GP1BB: variants seen among roughly 807,000 people sequenced by gnomAD.
The protein encoded by GP1BB is glycoprotein Ib platelet subunit beta, also known as platelet glycoprotein Ib beta chain.
A neutral mutation model predicts 2.5 loss-of-function variants in GP1BB; 3 were observed. The ratio of observed to expected loss-of-function variants is 1.22; its 90% CI spans 0.56 to 3.15. The LOEUF is 3.15. Among genes scored for constraint, GP1BB ranks in the 30% most tolerant of loss-of-function variants. The pLI is 0.03. For missense variants in GP1BB, 316 were observed against 307.0 expected (o/e 1.03, Z -0.22); for synonymous variants, 191 against 167.5 (o/e 1.14, Z -1.08).
Position 19,724,316 on chromosome 22 carries a change from T to C in GP1BB, c.473T>C (p.Leu158Pro). The change falls in exon 2 of 2, where the codon CTG (leucine) becomes CCG (proline). Residue 158 changes from leucine (L) to proline (P), a missense_variant. Coordinates refer to ENST00000366425, the MANE Select transcript of GP1BB (RefSeq NM_000407.5). ...WGALAAQLAL[L>P]GLGLLHALLL... is the part of the protein sequence containing the mutation. ...GCGCTGGCGGCGCAGCTTGCGCTGCTGGGCCTTGGGCTGCTGCACGCGTTG... is the reference window on the plus strand; with the variant it reads ...GCGCTGGCGGCGCAGCTTGCGCTGCCGGGCCTTGGGCTGCTGCACGCGTTG... The C allele has an allele frequency of 1.5e-6, 2 of 1,377,340 alleles. No homozygotes were observed. The highest frequency in any genetic ancestry group is 9.3e-7 in the Non-Finnish European group (1 of 1,070,758). 85.3% of individuals were successfully genotyped at this position (1,377,340 alleles called of 1,614,324 possible).
At position 19,723,877 on chromosome 22, in the gene GP1BB, C is replaced by G. The variant is rs1219867824; in HGVS notation, c.34C>G (p.Leu12Val). The change falls in exon 2 of 2, where the codon CTG becomes GTG. Residue 12 changes from leucine (L) to valine (V), a missense_variant. Coordinates refer to ENST00000366425, the MANE Select transcript of GP1BB (RefSeq NM_000407.5). ...AGGGCCGCGCGGGGCGCTGAGCTTA[C>G]TGCTCCTGCTGCTGGCCCCGCCGAG... The part of the protein sequence containing the change: ...GSGPRGALSL[L>V]LLLLAPPSRP... 5.9e-6 allele frequency: 9 copies of G among 1,522,752 alleles called. No individual in the cohort carries two copies. The Admixed American group carries it at 1.8e-4, about 30-fold the overall frequency. The allele number at this position is 1,522,752 out of a possible 1,614,324, so 94.3% of individuals were successfully genotyped here. A position where few individuals can be genotyped will look rare whatever the true frequency, so the allele number is the denominator to read the frequency against.
chr22:19,723,630 G>C (rs1024005760), intron 1 of GP1BB, 51 bp downstream of exon 1: 6 of 1,575,224 alleles, frequency 3.8e-6, no homozygotes, highest in Middle Eastern at 1.7e-4. Flanking sequence ...GCCGACCCGG[G>C]TTGAGAGGAG....
Position 19,724,460 on chromosome 22 carries a change from C to T in GP1BB, c.617C>T (p.Ser206Phe), listed in dbSNP as rs2145796855. ...LVAERAGTDE[S>F] is the part of the protein sequence containing the mutation. ...GCCGAGCGAGCCGGAACCGACGAGT[C>T]CTGAGGAGAGAACCGGTGCGTCCTG... Residue 206 changes from serine to phenylalanine, a missense_variant, in exon 2 of 2, where the codon TCC becomes TTC. Coordinates refer to ENST00000366425, the MANE Select transcript of GP1BB (RefSeq NM_000407.5). 1.3e-6 allele frequency: 2 copies of T among 1,538,474 alleles called. No homozygotes were observed. Among genetic ancestry groups the T allele is most frequent in the Admixed American group, 2.0e-5 (1 of 50,908 alleles).
rs1255233163 is a variant in GP1BB, at chr22:19,723,900, G to A, written c.57G>A (p.Pro19=). 2.0e-6 allele frequency: 3 copies of A among 1,521,914 alleles called. No individual in the cohort carries two copies. The African/African-American group carries it at 4.2e-5, about 21-fold the overall frequency. The allele number at this position is 1,521,914 out of a possible 1,614,324, so 94.3% of individuals were successfully genotyped here. ...TACTGCTCCTGCTGCTGGCCCCGCC[G>A]AGCCGCCCGGCCGCAGGTTGCCCGG... ...LSLLLLLLAP[P]SRPAAGCPAP... The change falls in exon 2 of 2, where the codon CCG becomes CCA. Residue 19 remains proline (P), a synonymous_variant. Coordinates refer to ENST00000366425, the MANE Select transcript of GP1BB (RefSeq NM_000407.5).
chr22:19,723,810 G>T, intron 1 of GP1BB, 44 bp from the exon 2 acceptor site: 1 of 1,496,954 alleles, frequency 6.7e-7, no homozygotes, highest in Non-Finnish European at 8.9e-7. Context: ...ATGTCGCCCA[G>T]GTGCCCGCCG....
chr22:19,723,727 A>C, intron 1 of GP1BB, 127 bp from the exon 2 acceptor site: 2 of 1,312,268 alleles, frequency 1.5e-6, no homozygotes, highest in Non-Finnish European at 2.1e-6. Flanking sequence ...CAGGGTGGAG[A>C]GGCTGGCGGG....
Position 19,724,101 on chromosome 22 carries a change from G to A in GP1BB, c.258G>A (p.Leu86=), listed in dbSNP as rs1936115321. Residue 86 remains leucine (L), a synonymous_variant, in exon 2 of 2, where the codon CTG becomes CTA. Coordinates refer to ENST00000366425, the MANE Select transcript of GP1BB (RefSeq NM_000407.5). The part of the protein sequence containing the change: ...DALPALRTAH[L]GANPWRCDCR... ...TGCCCGCGCTGCGCACCGCACACCTGGGCGCCAACCCCTGGCGCTGCGACT... is the reference window on the plus strand; with the variant it reads ...TGCCCGCGCTGCGCACCGCACACCTAGGCGCCAACCCCTGGCGCTGCGACT... 1 of 1,463,560 alleles carries A rather than the reference G, an allele frequency of 6.8e-7. No homozygotes were observed. The highest frequency in any genetic ancestry group is 9.0e-7 in the Non-Finnish European group (1 of 1,111,442). The allele number at this position is 1,463,560 out of a possible 1,614,324, so 90.7% of individuals were successfully genotyped here.
In GP1BB at chr22:19,723,858, G is replaced by A. The variant is rs1936108704; in HGVS notation, c.15G>A (p.Pro5=). ...ACTGCGGCGCTTCCCTTGCAGGGCCGCGCGGGGCGCTGAGCTTACTGCTCC... is the reference window on the plus strand; with the variant it reads ...ACTGCGGCGCTTCCCTTGCAGGGCCACGCGGGGCGCTGAGCTTACTGCTCC... MGSG[P]RGALSLLLLL... Residue 5 remains proline (P), a synonymous_variant, in exon 2 of 2, where the codon CCG becomes CCA. Coordinates refer to ENST00000366425, the MANE Select transcript of GP1BB (RefSeq NM_000407.5). 4 of 1,523,452 alleles carry A rather than the reference G, an allele frequency of 2.6e-6. No homozygotes were observed. Among genetic ancestry groups the A allele is most frequent in the Non-Finnish European group, 3.5e-6 (4 of 1,142,086 alleles). The allele number at this position is 1,523,452 out of a possible 1,614,324, so 94.4% of individuals were successfully genotyped here.
chr22:19,724,041 C>A lies in GP1BB; in HGVS notation c.198C>A (p.Asn66Lys), dbSNP rs1177794833. The A allele has an allele frequency of 1.3e-6, 2 of 1,519,276 alleles. No individual in the cohort carries two copies. Among genetic ancestry groups the A allele is most frequent in the Non-Finnish European group, 1.8e-6 (2 of 1,139,956 alleles). The allele number at this position is 1,519,276 out of a possible 1,614,324, so 94.1% of individuals were successfully genotyped here. A position where few individuals can be genotyped will look rare whatever the true frequency, so the allele number is the denominator to read the frequency against. Residue 66 changes from asparagine (N) to lysine (K), a missense_variant, in exon 2 of 2, where the codon AAC (asparagine) becomes AAA (lysine). Asn to Lys is a moderately conservative substitution (Grantham distance 94). Coordinates refer to ENST00000366425, the MANE Select transcript of GP1BB (RefSeq NM_000407.5). ...CCGAGCTGGTGCTGACCGGCAACAA[C>A]CTGACGGCGCTGCCGCCGGGGCTGC... Reference protein sequence around the residue: ...DTTELVLTGNNLTALPPGLLD... With the variant: ...DTTELVLTGNKLTALPPGLLD...
In GP1BB at chr22:19,724,552, G is replaced by A; in HGVS notation, c.*88G>A. 1.1e-6 allele frequency: 1 copy of A among 949,336 alleles called. No homozygotes were observed. The highest frequency in any genetic ancestry group is 1.7e-6 in the Non-Finnish European group (1 of 604,590). 58.8% of individuals were successfully genotyped at this position (949,336 alleles called of 1,614,324 possible). On this transcript the variant is annotated 3_prime_UTR_variant, in exon 2 of 2. Coordinates refer to ENST00000366425, the MANE Select transcript of GP1BB (RefSeq NM_000407.5). ...ACAGGACCCTGCCCGAGGGGCCCTC[G>A]CGCCAACCTGGACCGGTCCCCGCCT... is the stretch of plus-strand genomic sequence containing the variant.
chr22:19,724,597 C>T lies in GP1BB; in HGVS notation c.*133C>T, dbSNP rs1936129903. On this transcript the variant is annotated 3_prime_UTR_variant, in exon 2 of 2. Coordinates refer to ENST00000366425, the MANE Select transcript of GP1BB (RefSeq NM_000407.5). ...CCGCCTCCTCCGCTGCCCAATCTCT[C>T]AGACCCACCCCACCTGCAGGCCCAG... is the stretch of plus-strand genomic sequence containing the variant. The T allele has an allele frequency of 1.4e-6, 1 of 714,070 alleles. No individual in the cohort carries two copies. The highest frequency in any genetic ancestry group is 1.5e-5 in the South Asian group (1 of 66,314). The allele number at this position is 714,070 out of a possible 1,614,324, so 44.2% of individuals were successfully genotyped here. A position where few individuals can be genotyped will look rare whatever the true frequency, so the allele number is the denominator to read the frequency against.
rs1936124946 is a variant in GP1BB, at chr22:19,724,423, GACC to G, written c.581_583del (p.Asp194_Pro195delinsAla). On this transcript the variant is annotated inframe_deletion, in exon 2 of 2. Coordinates refer to ENST00000366425, the MANE Select transcript of GP1BB (RefSeq NM_000407.5). ...CGCCGCAGCCCGGCTGTCGCTGACC[GACC>G]CGCTGGTGGCCGAGCGAGCCGGAAC... The G allele has an allele frequency of 1.9e-6, 3 of 1,543,650 alleles. No individual in the cohort carries two copies. In the African/African-American group the frequency reaches 4.1e-5, roughly 21 times the overall value.
In GP1BB at chr22:19,724,663, AG is replaced by A; in HGVS notation, c.*201del. The A allele has an allele frequency of 1.7e-6, 1 of 602,868 alleles. No individual in the cohort carries two copies. The highest frequency in any genetic ancestry group is 3.0e-6 in the Non-Finnish European group (1 of 331,788). The allele number at this position is 602,868 out of a possible 1,614,324, so 37.3% of individuals were successfully genotyped here. A position where few individuals can be genotyped will look rare whatever the true frequency, so the allele number is the denominator to read the frequency against. ...ACTCCTGCCCACCCTACCCCGAGGGAGGCGAACCCGCACTTCCAGGCTTGGG... is the reference window on the plus strand; with the variant it reads ...ACTCCTGCCCACCCTACCCCGAGGGAGCGAACCCGCACTTCCAGGCTTGGG... On this transcript the variant is annotated 3_prime_UTR_variant, in exon 2 of 2. Coordinates refer to ENST00000366425, the MANE Select transcript of GP1BB (RefSeq NM_000407.5).
Position 19,724,182 on chromosome 22 carries a change from CCGCGACCTGCGTTGCGTGG to C in GP1BB, c.343_361del (p.Asp115ProfsTer72). ...CCGGCCGCCCCGAGCGTGCGCCCTA[CCGCGACCTGCGTTGCGTGG>C]CGCCCCCAGCGCTGCGCGGCCGCCT... On this transcript the variant is annotated frameshift_variant, in exon 2 of 2. Transcript: ENST00000366425. LOFTEE classifies it low-confidence loss of function (END_TRUNC). The C allele has an allele frequency of 8.0e-7, 1 of 1,257,816 alleles. No homozygotes were observed. Among genetic ancestry groups the C allele is most frequent in the Non-Finnish European group, 9.9e-7 (1 of 1,005,946 alleles). The allele number at this position is 1,257,816 out of a possible 1,614,324, so 77.9% of individuals were successfully genotyped here. A position where few individuals can be genotyped will look rare whatever the true frequency, so the allele number is the denominator to read the frequency against.
In GP1BB at chr22:19,724,399, G is replaced by C; in HGVS notation, c.556G>C (p.Ala186Pro). 1 of 1,536,988 alleles carries C rather than the reference G, an allele frequency of 6.5e-7. No individual in the cohort carries two copies. The highest frequency in any genetic ancestry group is 1.2e-5 in the South Asian group (1 of 83,270). The change falls in exon 2 of 2, where the codon GCC becomes CCC. Residue 186 changes from alanine (A) to proline (P), a missense_variant. Coordinates refer to ENST00000366425, the MANE Select transcript of GP1BB (RefSeq NM_000407.5). ...GCTGCGGGCCCGGGCCCGCGCTCGC[G>C]CCGCAGCCCGGCTGTCGCTGACCGA... is the stretch of plus-strand genomic sequence containing the variant. Reference protein sequence around the residue: ...RRLRARARARAAARLSLTDPL... With the variant: ...RRLRARARARPAARLSLTDPL...
At position 19,724,188 on chromosome 22, in the gene GP1BB, C is replaced by A; in HGVS notation, c.345C>A (p.Asp115Glu). The change falls in exon 2 of 2, where the codon GAC becomes GAA. Residue 115 changes from aspartate (D) to glutamate (E), a missense_variant. Transcript: ENST00000366425. ...AGRPERAPYR[D>E]LRCVAPPALR... ...GCCCCGAGCGTGCGCCCTACCGCGA[C>A]CTGCGTTGCGTGGCGCCCCCAGCGC... 2.1e-5 allele frequency: 26 copies of A among 1,251,570 alleles called. No individual in the cohort carries two copies. Among genetic ancestry groups the A allele is most frequent in the Non-Finnish European group, 2.6e-5 (26 of 1,002,732 alleles). 77.5% of individuals were successfully genotyped at this position (1,251,570 alleles called of 1,614,324 possible).
rs969852830 is a variant in GP1BB, at chr22:19,723,930, C to G, written c.87C>G (p.Pro29=). Residue 29 remains proline, a synonymous_variant, in exon 2 of 2, where the codon CCC becomes CCG. Coordinates refer to ENST00000366425, the MANE Select transcript of GP1BB (RefSeq NM_000407.5). ...PSRPAAGCPA[P]CSCAGTLVDC... is the part of the protein sequence containing the mutation. ...GCCCGGCCGCAGGTTGCCCGGCGCC[C>G]TGTAGCTGCGCGGGGACGCTCGTGG... 17 of 1,524,040 alleles carry G rather than the reference C, an allele frequency of 1.1e-5. No homozygotes were observed. The Admixed American group carries it at 2.6e-4, about 23-fold the overall frequency. 94.4% of individuals were successfully genotyped at this position (1,524,040 alleles called of 1,614,324 possible). A position where few individuals can be genotyped will look rare whatever the true frequency, so the allele number is the denominator to read the frequency against.
chr22:19,724,004 C>G lies in GP1BB; in HGVS notation c.161C>G (p.Pro54Arg), dbSNP rs1220071379. Reference sequence around the variant, plus strand: ...TGGGCCTCGCTGCCGACCGCCTTCCCTGTCGACACAACCGAGCTGGTGCTG... The same window carrying G: ...TGGGCCTCGCTGCCGACCGCCTTCCGTGTCGACACAACCGAGCTGGTGCTG... ...LTWASLPTAF[P>R]VDTTELVLTG... Residue 54 changes from proline (P) to arginine (R), a missense_variant, in exon 2 of 2, where the codon CCT becomes CGT. Physicochemically the swap from Pro to Arg is moderately radical, Grantham distance 103. Transcript: ENST00000366425. The G allele has an allele frequency of 6.5e-7, 1 of 1,537,802 alleles. No homozygotes were observed. Among genetic ancestry groups the G allele is most frequent in the Non-Finnish European group, 8.7e-7 (1 of 1,149,178 alleles).
Position 19,723,581 on chromosome 22 carries a change from T to C in GP1BB, c.10+2T>C. 1.9e-6 allele frequency: 3 copies of C among 1,597,850 alleles called. No individual in the cohort carries two copies. The highest frequency in any genetic ancestry group is 2.5e-6 in the Non-Finnish European group (3 of 1,176,908). ...GCCGTCTTCTCGCCATGGGCTCCGG[T>C]GAGTCTGGAGTCCGGTCGGGCCCCC... On this transcript the variant is annotated splice_donor_variant, in intron 1 of 1. Transcript: ENST00000366425. LOFTEE classifies it high-confidence loss of function.
Sources: gnomAD v4.1 joint callset for allele counts on GRCh38, gnomAD v4.1.1 for gene constraint, MANE v1.5 for transcripts, NCBI Gene and HGNC (gene_info 2026-07-23, HGNC 2026-07-21) for gene names.